Variants in GABBR2 observed in about 807,000 individuals in gnomAD.
The protein encoded by GABBR2 is G-protein coupled receptor 51.
In GABBR2, 23 loss-of-function variants were observed where a neutral mutation model predicts 105.6. That is an observed-to-expected ratio of 0.22 (90% CI 0.16 to 0.31). The LOEUF (loss-of-function observed/expected upper bound fraction) is 0.31, where lower values mean the gene tolerates loss of function less well. GABBR2 is among the 10% of genes least tolerant of loss of function. The probability of loss-of-function intolerance (pLI) is 1.00; values close to 1 mark genes in which losing one functional copy is unlikely to be tolerated. For synonymous variants in GABBR2, 478 were observed against 499.7 expected, an observed-to-expected ratio of 0.96 and a Z score of 0.58; for missense variants, 734 against 1,245.5, an observed-to-expected ratio of 0.59 and a Z score of 6.18.
At chr9:98,590,126 CT>C (rs1345647667) in intron 1 of GABBR2, among the ~76,000 whole-genome samples, 6 of 152,312 alleles carry the variant, frequency 3.9e-5, no homozygotes, top group Admixed American at 2.0e-4. Flanking sequence ...TAAATTACTG[CT>C]GCCTGGCAGA....
chr9:98,309,089 C>T (rs947934678), intron 14 of GABBR2, among the ~76,000 whole-genome samples: 7 of 152,110 alleles, frequency 4.6e-5, no homozygotes, highest in African/African-American at 1.4e-4. Flanking sequence ...AGGGGGATGG[C>T]AGTGGGATTT....
At chr9:98,444,769 G>A (rs1049973874) in intron 7 of GABBR2, among the ~76,000 whole-genome samples, 5 of 152,220 alleles carry the variant, frequency 3.3e-5, no homozygotes, top group Non-Finnish European at 7.3e-5. Flanking sequence ...GCTTATGGGA[G>A]AAACGAGAGA....
At chr9:98,611,127 C>T (rs943730462) in intron 1 of GABBR2, among the ~76,000 whole-genome samples, 1 of 152,224 alleles carries the variant, frequency 6.6e-6, no homozygotes, top group Non-Finnish European at 1.5e-5. Flanking sequence ...ATCCTGTCCT[C>T]TCCCAACTGG....
At chr9:98,522,008 TA>T (rs1393128979) in intron 3 of GABBR2, among the ~76,000 whole-genome samples, 1 of 151,962 alleles carries the variant, frequency 6.6e-6, no homozygotes, top group Non-Finnish European at 1.5e-5. Context: ...ATTCTAAATC[TA>T]AAAAATAAAA....
chr9:98,303,819 CCT>C (rs1830508376), intron 15 of GABBR2, among the ~76,000 whole-genome samples: 1 of 152,244 alleles, frequency 6.6e-6, no homozygotes, highest in Non-Finnish European at 1.5e-5. Flanking sequence ...AGAGCGAAGG[CCT>C]CTGTTAAACC....
At chr9:98,439,065 G>A (rs536752332) in intron 7 of GABBR2, among the ~76,000 whole-genome samples, 3 of 151,864 alleles carry the variant, frequency 2.0e-5, no homozygotes, top group South Asian at 2.1e-4. Flanking sequence ...ATATCTACCC[G>A]CCATCTGTGC....
In GABBR2 at chr9:98,694,675, G is replaced by A. The variant is rs76773258; in HGVS notation, c.321+13742C>T. Reference sequence around the variant, plus strand: ...TTACTCTTTGTGTTTAGTTTCGGGCGTATTTTATATCTGCACCACTTTACA... The same window carrying A: ...TTACTCTTTGTGTTTAGTTTCGGGCATATTTTATATCTGCACCACTTTACA... On this transcript the variant is annotated intron_variant, in intron 1 of 18. Coordinates refer to ENST00000259455, the MANE Select transcript of GABBR2 (RefSeq NM_005458.8). Among the ~76,000 whole-genome samples, 390 of 152,288 alleles carry A rather than the reference G, an allele frequency of 2.6e-3. 7 individuals are homozygous for A. The East Asian group carries it at 0.037, about 14-fold the overall frequency.
chr9:98,443,157 T>G (rs1229597565), intron 7 of GABBR2, among the ~76,000 whole-genome samples: 1 of 152,190 alleles, frequency 6.6e-6, no homozygotes, highest in Non-Finnish European at 1.5e-5. Flanking sequence ...CCTATTATCA[T>G]GACATCTGTC....
intron 2 of GABBR2, 80 bp downstream of exon 2, chr9:98,577,855 T>A: frequency 7.2e-7 from 1 of 1,384,288 alleles, no homozygotes. Context: ...GAAACCACAT[T>A]GTACAAGGAA....
At chr9:98,362,081 C>G (rs913426321) in intron 13 of GABBR2, among the ~76,000 whole-genome samples, 1 of 152,212 alleles carries the variant, frequency 6.6e-6, no homozygotes, top group African/African-American at 2.4e-5. Context: ...CACTGCAGCT[C>G]AGCTGTAGCC....
chr9:98,382,029 C>T (rs933273910), intron 11 of GABBR2, among the ~76,000 whole-genome samples: 4 of 152,284 alleles, frequency 2.6e-5, no homozygotes, highest in African/African-American at 9.6e-5. Flanking sequence ...GGCGAGATGT[C>T]AGGAACTTCT....
chr9:98,324,533 CACACACACAG>C (rs1256504912), intron 13 of GABBR2, among the ~76,000 whole-genome samples: 1 of 118,180 alleles, frequency 8.5e-6, no homozygotes, highest in Non-Finnish European at 1.8e-5. Flanking sequence ...CACACACACA[CACACACACAG>C]AGTAGTGCAT....
chr9:98,610,603 A>G (rs1217944975), intron 1 of GABBR2, among the ~76,000 whole-genome samples: 5 of 152,170 alleles, frequency 3.3e-5, no homozygotes, highest in African/African-American at 1.2e-4. Flanking sequence ...GGCAGAAGAG[A>G]GAAGACAATG....
intron 2 of GABBR2, among the ~76,000 whole-genome samples, chr9:98,560,833 C>G (rs1268055780): frequency 6.7e-6 from 1 of 149,790 alleles, no homozygotes; most frequent in African/African-American, 2.4e-5. Flanking sequence ...CACACACATA[C>G]ACTTAATGAT....
At chr9:98,297,077 A>G (rs1282120922) in intron 17 of GABBR2, among the ~76,000 whole-genome samples, 2 of 152,142 alleles carry the variant, frequency 1.3e-5, no homozygotes, top group Non-Finnish European at 2.9e-5. Context: ...GTGTGAGTTT[A>G]GGATCTACCT....
At chr9:98,448,034 C>T (rs1432308881) in intron 7 of GABBR2, among the ~76,000 whole-genome samples, 2 of 152,012 alleles carry the variant, frequency 1.3e-5, no homozygotes, top group African/African-American at 4.8e-5. Flanking sequence ...TAACAGCCAT[C>T]GGAGGTGAAA....
intron 3 of GABBR2, among the ~76,000 whole-genome samples, chr9:98,507,630 A>G (rs762252396): frequency 6.6e-6 from 1 of 152,210 alleles, no homozygotes; most frequent in East Asian, 1.9e-4. Context: ...AACTGATACA[A>G]TAAGCTTTCA....
chr9:98,322,015 C>G (rs1340998279), intron 13 of GABBR2, among the ~76,000 whole-genome samples: 1 of 152,108 alleles, frequency 6.6e-6, no homozygotes, highest in East Asian at 1.9e-4. Flanking sequence ...TCCTCACACT[C>G]CCATCCATCA....
chr9:98,441,248 TA>T (rs544383629), intron 7 of GABBR2, among the ~76,000 whole-genome samples: 2 of 152,182 alleles, frequency 1.3e-5, no homozygotes, highest in South Asian at 2.1e-4. Flanking sequence ...ACTTAAAAAA[TA>T]AATGTACAGC....
Sources: gnomAD v4.1 joint callset for allele counts (sites outside exome capture counted in the v4.1 genomes callset) on GRCh38, gnomAD v4.1.1 for gene constraint, MANE v1.5 for transcripts, NCBI Gene and HGNC (gene_info 2026-07-23, HGNC 2026-07-21) for gene names.